HPS5: variants seen among roughly 807,000 people sequenced by gnomAD.
HPS5 encodes HPS5 biogenesis of lysosomal organelles complex 2 subunit 2.
In HPS5, 83 loss-of-function variants were observed where a neutral mutation model predicts 128.0. The ratio of observed to expected loss-of-function variants is 0.65; its 90% confidence interval spans 0.54 to 0.78. The LOEUF (loss-of-function observed/expected upper bound fraction) is 0.78, where lower values mean the gene tolerates loss of function less well. Among genes scored for constraint, HPS5 ranks in the 30% least tolerant of loss-of-function variants. The probability of loss-of-function intolerance (pLI) is 0.00; values close to 1 mark genes in which losing one functional copy is unlikely to be tolerated. For missense variants in HPS5, 1,281 were observed against 1,326.2 expected (o/e 0.97, Z 0.53); for synonymous variants, 475 against 470.2 (o/e 1.01, Z -0.13).
intron 2 of HPS5, chr11:18,314,260 C>G: frequency 6.6e-6 from 1 of 152,300 alleles, no homozygotes. Context: ...GACCAGCCGT[C>G]TCAAAAAATA....
chr11:18,298,894 C>T lies in HPS5; in HGVS notation c.1062G>A (p.Leu354=), dbSNP rs147068035. ...GTTCCACACAGCGCTCCACAGATAT[C>T]AGGGAGAGATGTGAGACTTTCCCAT... ...HLNGKVSHLS[L]ISVERCVERL... Residue 354 remains leucine (L), a synonymous_variant, in exon 10 of 23, where the codon CTG becomes CTA. Coordinates refer to ENST00000349215, the MANE Select transcript of HPS5 (RefSeq NM_181507.2). 16 of 1,614,094 alleles carry T rather than the reference C, an allele frequency of 9.9e-6. No homozygotes were observed. The highest frequency in any genetic ancestry group is 8.0e-5 in the African/African-American group (6 of 75,042).
rs770928566 is a variant in HPS5, at chr11:18,295,111, C to T, written c.1693G>A (p.Asp565Asn). ...EKIGTLHTSP[D>N]LKVRPELRGD... ...CTGAGCTCTGGTCTCACTTTCAGAT[C>T]AGGGCTCGTGTGAAGGGTGCCAATC... The change falls in exon 14 of 23, where the codon GAT becomes AAT. Residue 565 changes from aspartate (D) to asparagine (N), a missense_variant. Asp to Asn is a conservative substitution (Grantham distance 23, BLOSUM62 1). Coordinates refer to ENST00000349215, the MANE Select transcript of HPS5 (RefSeq NM_181507.2). The T allele has an allele frequency of 2.3e-5, 37 of 1,614,036 alleles. No individual in the cohort carries two copies. The highest frequency in any genetic ancestry group is 3.1e-5 in the Non-Finnish European group (37 of 1,180,026).
intron 2 of HPS5, among the ~76,000 whole-genome samples, chr11:18,316,951 T>C (rs1202075041): frequency 6.6e-6 from 1 of 152,100 alleles, no homozygotes; most frequent in Non-Finnish European, 1.5e-5. Context: ...TCCCAGCACT[T>C]TGGGAGGCCG....
At chr11:18,305,094 CA>C (rs760528767) in intron 8 of HPS5, among the ~76,000 whole-genome samples, 1 of 152,210 alleles carries the variant, frequency 6.6e-6, no homozygotes, top group Non-Finnish European at 1.5e-5. Flanking sequence ...ATCTGTGTGG[CA>C]GATTTTGATC....
At chr11:18,308,641 C>T (rs913614303) in intron 6 of HPS5, among the ~76,000 whole-genome samples, 10 of 151,930 alleles carry the variant, frequency 6.6e-5, no homozygotes, top group African/African-American at 2.2e-4. Context: ...ATGACAAAAC[C>T]CAGTCTCTAA....
Position 18,291,587 on chromosome 11 carries a change from C to T in HPS5, c.2295G>A (p.Leu765=), listed in dbSNP as rs1248002681. The T allele has an allele frequency of 1.2e-6, 2 of 1,613,528 alleles. No homozygotes were observed. The highest frequency in any genetic ancestry group is 1.7e-6 in the Non-Finnish European group (2 of 1,179,564). Residue 765 remains leucine (L), a synonymous_variant, in exon 16 of 23, where the codon TTG becomes TTA. Coordinates refer to ENST00000349215, the MANE Select transcript of HPS5 (RefSeq NM_181507.2). ...KSTSGHVDHT[L]QQYSPEILAC... is the part of the protein sequence containing the mutation. ...CCAGAATTTCAGGAGAGTACTGTTG[C>T]AAAGTGTGGTCCACATGTCCACTGG...
At chr11:18,288,102 C>A in intron 16 of HPS5, 89 bp from the exon 17 acceptor site, 1 of 1,404,212 alleles carries the variant, frequency 7.1e-7, no homozygotes, top group South Asian at 1.2e-5. Context: ...AATCATTAGT[C>A]ACGTACCTAC....
At chr11:18,281,860 G>A in intron 22 of HPS5, 90 bp downstream of exon 22, 5 of 1,442,754 alleles carry the variant, frequency 3.5e-6, no homozygotes, top group Non-Finnish European at 4.9e-6. Context: ...GATGGGTCGG[G>A]ACTAAATGAT....
chr11:18,281,145 T>G (rs543187383), intron 22 of HPS5, among the ~76,000 whole-genome samples: 1 of 151,878 alleles, frequency 6.6e-6, no homozygotes, highest in Admixed American at 6.6e-5. Context: ...TGGCGTGATC[T>G]TGGCTCACTG....
rs1446288604 is a variant in HPS5 at position 18,279,129 on chromosome 11, C to T, written c.*753G>A. Reference sequence around the variant, plus strand: ...ACAGGGTCTTTCTCTGTCACCCAGACTGGTGTGCAATGGCACAAACACATC... The same window carrying T: ...ACAGGGTCTTTCTCTGTCACCCAGATTGGTGTGCAATGGCACAAACACATC... On this transcript the variant is annotated 3_prime_UTR_variant, in exon 23 of 23. Coordinates refer to ENST00000349215, the MANE Select transcript of HPS5 (RefSeq NM_181507.2). 1 of 152,236 alleles carries T rather than the reference C, an allele frequency of 6.6e-6. No homozygotes were observed. The highest frequency in any genetic ancestry group is 2.4e-5 in the African/African-American group (1 of 41,462). The allele number at this position is 152,236 out of a possible 1,614,324, so 9.4% of individuals were successfully genotyped here. A position where few individuals can be genotyped will look rare whatever the true frequency, so the allele number is the denominator to read the frequency against.
In HPS5 at chr11:18,291,884, G is replaced by A; in HGVS notation, c.1998C>T (p.Ser666=). The A allele has an allele frequency of 6.2e-7, 1 of 1,606,204 alleles. No homozygotes were observed. ...ATAGCACATCCTGGTTCAATTTCAT[G>A]GATGAGTTGTCAGTATCTGAAACAC... is the stretch of plus-strand genomic sequence containing the variant. ...FSGVSDTDNS[S]MKLNQDVLLV... The change falls in exon 16 of 23, where the codon TCC becomes TCT. Residue 666 remains serine, a synonymous_variant. Transcript: ENST00000349215.
At chr11:18,301,454 C>CAAAAAAAAA (rs899074500) in intron 8 of HPS5, among the ~76,000 whole-genome samples, 7 of 52,024 alleles carry the variant, frequency 1.3e-4, no homozygotes, top group South Asian at 7.8e-4. Flanking sequence ...GACTCTGTCT[C>CAAAAAAAAA]AAAAAAAAAA....
intron 16 of HPS5, 38 bp from the exon 17 acceptor site, chr11:18,288,051 C>T (rs1859961110): frequency 6.2e-7 from 1 of 1,609,444 alleles, no homozygotes; most frequent in African/African-American, 1.3e-5. Flanking sequence ...AACTTTATCT[C>T]TTAGGCGGAA....
At chr11:18,289,115 ACAT>A (rs1342350199) in intron 16 of HPS5, among the ~76,000 whole-genome samples, 3 of 152,176 alleles carry the variant, frequency 2.0e-5, no homozygotes, top group Admixed American at 2.0e-4. Context: ...CATAATTATC[ACAT>A]CATTAGAAGG....
chr11:18,308,004 T>C (rs140542340), intron 6 of HPS5, among the ~76,000 whole-genome samples: 2,527 of 152,264 alleles, frequency 0.017, 25 homozygotes, highest in Non-Finnish European at 0.027. Context: ...CTCTCCATGA[T>C]AAATTTTTAA....
intron 20 of HPS5, among the ~76,000 whole-genome samples, chr11:18,284,231 G>C (rs1343602817): frequency 6.6e-6 from 1 of 151,140 alleles, no homozygotes; most frequent in Non-Finnish European, 1.5e-5. Flanking sequence ...CCAATTATAA[G>C]GCATTTAAGC....
At chr11:18,293,047 G>T in intron 14 of HPS5, 71 bp from the exon 15 acceptor site, 1 of 1,130,120 alleles carries the variant, frequency 8.8e-7, no homozygotes, top group South Asian at 1.2e-5. Context: ...TTTGAGACAG[G>T]GTCTCACTCT....
intron 2 of HPS5, chr11:18,314,534 T>C (rs759247804): frequency 9.8e-5 from 11 of 111,842 alleles, no homozygotes; most frequent in Non-Finnish European, 1.8e-4. Context: ...ATCTCAAAAA[T>C]AAATAAATAA....
intron 12 of HPS5, chr11:18,296,410 AGGAATACTC>A: frequency 1.8e-6 from 1 of 541,074 alleles, no homozygotes; most frequent in South Asian, 2.2e-5. Context: ...GTTCAGCCAC[AGGAATACTC>A]GCACATCGAA....
Sources: allele counts gnomAD v4.1 joint callset (sites outside exome capture counted in the v4.1 genomes callset), GRCh38; gene constraint gnomAD v4.1.1; transcripts MANE v1.5; gene names NCBI Gene and HGNC (gene_info 2026-07-23, HGNC 2026-07-21).